TMEM132C: variants seen among roughly 807,000 people sequenced by gnomAD.
The protein encoded by TMEM132C is transmembrane protein 132C, also known as protein phosphatase 1, regulatory subunit 152.
A neutral mutation model predicts 61.4 loss-of-function variants in TMEM132C; 29 were observed. The observed-to-expected ratio is 0.47, with a 90% CI of 0.35 to 0.64. The LOEUF (loss-of-function observed/expected upper bound fraction) is 0.64. TMEM132C is among the 30% of genes least tolerant of loss of function. The pLI, the probability that TMEM132C is intolerant of heterozygous loss-of-function variation, is 0.00. For synonymous variants in TMEM132C, 656 were observed against 633.1 expected (o/e 1.04, Z -0.54); for missense variants, 1,408 against 1,476.9 (o/e 0.95, Z 0.76).
Position 128,696,035 on chromosome 12 carries a change from C to T in TMEM132C, c.1861C>T (p.Pro621Ser). 2 of 1,551,738 alleles carry T rather than the reference C, an allele frequency of 1.3e-6. No homozygotes were observed. ...LVADFMKLEE[P>S]HVATLQDSRV... ...GGCAGACTTCATGAAGCTGGAGGAACCTCACGTGGCCACCCTCCAGGACAG... is the reference window on the plus strand; with the variant it reads ...GGCAGACTTCATGAAGCTGGAGGAATCTCACGTGGCCACCCTCCAGGACAG... The change falls in exon 7 of 9, where the codon CCT becomes TCT. Residue 621 changes from proline to serine, a missense_variant. Coordinates refer to ENST00000435159, the MANE Select transcript of TMEM132C (RefSeq NM_001136103.3).
chr12:128,582,379 ACT>A (rs1593108180), intron 3 of TMEM132C, among the ~76,000 whole-genome samples: 2 of 149,558 alleles, frequency 1.3e-5, no homozygotes, highest in East Asian at 4.0e-4. Flanking sequence ...ACTCTTACAC[ACT>A]CTGTGTGGGA....
rs950997003 is a variant in TMEM132C, at chr12:128,554,936, C to T, written c.1121+10833C>T. ...ATGGGGTGGTCTCTGGGCCAGTGTT[C>T]CCCATCCGTTCTTGGAGGAGACTGG... On this transcript the variant is annotated intron_variant, in intron 3 of 8. Coordinates refer to ENST00000435159, the MANE Select transcript of TMEM132C (RefSeq NM_001136103.3). Among the ~76,000 whole-genome samples, 3 of 152,012 alleles carry T rather than the reference C, an allele frequency of 2.0e-5. No homozygotes were observed. The South Asian group carries it at 6.2e-4, about 32-fold the overall frequency.
intron 4 of TMEM132C, among the ~76,000 whole-genome samples, chr12:128,645,114 G>T (rs1032458488): frequency 1.3e-5 from 2 of 152,164 alleles, no homozygotes; most frequent in Non-Finnish European, 2.9e-5. Flanking sequence ...CGACCCTGAG[G>T]GGGGACTCCT....
At chr12:128,625,568 C>A (rs561654438) in intron 4 of TMEM132C, among the ~76,000 whole-genome samples, 1 of 152,094 alleles carries the variant, frequency 6.6e-6, no homozygotes, top group Admixed American at 6.5e-5. Flanking sequence ...TGGTGGCAGG[C>A]AAAGAGAATT....
Position 128,512,476 on chromosome 12 carries a change from G to A in TMEM132C, c.975-31481G>A, listed in dbSNP as rs1312399274. ...TTTCATTGCCACATAGTATTCCACC[G>A]AGTAGAGCTTCCAGAATCTATTTCA... On this transcript the variant is annotated intron_variant, in intron 2 of 8. Transcript: ENST00000435159. Among the ~76,000 whole-genome samples the A allele has an allele frequency of 5.3e-5, 8 of 152,094 alleles. No homozygotes were observed. The East Asian group carries it at 1.2e-3, about 22-fold the overall frequency.
intron 3 of TMEM132C, among the ~76,000 whole-genome samples, chr12:128,549,866 G>A (rs1363309154): frequency 1.3e-5 from 2 of 152,030 alleles, no homozygotes; most frequent in Non-Finnish European, 2.9e-5. Flanking sequence ...GGGGGGAACC[G>A]AGACATGATG....
chr12:128,474,779 T>G (rs1444708511), intron 2 of TMEM132C, among the ~76,000 whole-genome samples: 1 of 152,204 alleles, frequency 6.6e-6, no homozygotes. Context: ...AGCAGTGGTC[T>G]GTTGAAAACC....
chr12:128,647,032 ATG>A (rs1465189738), intron 4 of TMEM132C, among the ~76,000 whole-genome samples: 2 of 150,752 alleles, frequency 1.3e-5, no homozygotes, highest in Non-Finnish European at 2.9e-5. Flanking sequence ...TCAGCGTTGG[ATG>A]TGAGTGTGTT....
At chr12:128,670,887 A>G (rs1236667226) in intron 5 of TMEM132C, among the ~76,000 whole-genome samples, 1 of 152,212 alleles carries the variant, frequency 6.6e-6, no homozygotes, top group Non-Finnish European at 1.5e-5. Context: ...TATGTCTCCA[A>G]AAGAACGGAA....
At chr12:128,445,268 G>T (rs1194725476) in intron 2 of TMEM132C, among the ~76,000 whole-genome samples, 5 of 151,820 alleles carry the variant, frequency 3.3e-5, no homozygotes, top group African/African-American at 1.2e-4. Flanking sequence ...ACAGTTCAGC[G>T]GCGTGCACAT....
At chr12:128,598,294 G>A (rs1475339814) in intron 3 of TMEM132C, among the ~76,000 whole-genome samples, 1 of 152,072 alleles carries the variant, frequency 6.6e-6, no homozygotes, top group Non-Finnish European at 1.5e-5. Context: ...AAAATAGCTG[G>A]ATGTGGTGGC....
At chr12:128,405,985 A>G (rs1447431250) in intron 1 of TMEM132C, among the ~76,000 whole-genome samples, 1 of 152,218 alleles carries the variant, frequency 6.6e-6, no homozygotes, top group Non-Finnish European at 1.5e-5. Context: ...TGCTGCAACA[A>G]TTGTTAGTTT....
At chr12:128,563,562 C>G (rs1475941397) in intron 3 of TMEM132C, among the ~76,000 whole-genome samples, 1 of 152,122 alleles carries the variant, frequency 6.6e-6, no homozygotes. Context: ...CTAATGTCCC[C>G]CATTAGTAGA....
At position 128,415,519 on chromosome 12, in the gene TMEM132C, C is replaced by A. The variant is rs373402472; in HGVS notation, c.873C>A (p.Asn291Lys). The A allele has an allele frequency of 6.4e-7, 1 of 1,551,370 alleles. No individual in the cohort carries two copies. The highest frequency in any genetic ancestry group is 1.4e-5 in the African/African-American group (1 of 73,034). The change falls in exon 2 of 9, where the codon AAC (asparagine) becomes AAA (lysine). Residue 291 changes from asparagine to lysine, a missense_variant. Transcript: ENST00000435159. This position sits in a 1 kb window ranked among gnomAD's most constrained non-coding sequence, Gnocchi z 5.8. Reference protein sequence around the residue: ...AQLSELRLDGNVVIWLPSRPV... With the variant: ...AQLSELRLDGKVVIWLPSRPV... Reference sequence around the variant, plus strand: ...TCAGCGAGCTGCGTTTGGATGGTAACGTGGTCATCTGGCTGCCTTCCAGGC... The same window carrying A: ...TCAGCGAGCTGCGTTTGGATGGTAAAGTGGTCATCTGGCTGCCTTCCAGGC...
At chr12:128,571,976 A>AC (rs1874899016) in intron 3 of TMEM132C, among the ~76,000 whole-genome samples, 1 of 152,260 alleles carries the variant, frequency 6.6e-6, no homozygotes, top group African/African-American at 2.4e-5. Context: ...TGATTGAGTC[A>AC]CCTGCTTATC....
At chr12:128,282,944 T>C (rs1377671226) in intron 1 of TMEM132C, among the ~76,000 whole-genome samples, 1 of 152,232 alleles carries the variant, frequency 6.6e-6, no homozygotes, top group African/African-American at 2.4e-5. Flanking sequence ...TGTCACAATA[T>C]TAATGATGTT....
chr12:128,271,339 T>A (rs1429903797), intron 1 of TMEM132C, among the ~76,000 whole-genome samples: 1 of 150,770 alleles, frequency 6.6e-6, no homozygotes, highest in Non-Finnish European at 1.5e-5. Context: ...ATCATTCACA[T>A]AAAAAAATTA....
chr12:128,311,034 T>C (rs114110459), intron 1 of TMEM132C, among the ~76,000 whole-genome samples: 2,194 of 152,290 alleles, frequency 0.014, 54 homozygotes, highest in African/African-American at 0.049. Flanking sequence ...AAAAAATAAA[T>C]GAAAAAATTA....
At chr12:128,522,248 C>T (rs1472675666) in intron 2 of TMEM132C, among the ~76,000 whole-genome samples, 1 of 152,240 alleles carries the variant, frequency 6.6e-6, no homozygotes. Flanking sequence ...GCTGCTGCTG[C>T]ACTCAGGTGC....
Sources: gnomAD v4.1 joint callset for allele counts (sites outside exome capture counted in the v4.1 genomes callset) on GRCh38, gnomAD v4.1.1 for gene constraint, Gnocchi (gnomAD v3.1) non-coding constraint, MANE v1.5 for transcripts, NCBI Gene and HGNC (gene_info 2026-07-23, HGNC 2026-07-21) for gene names.